Variants in BAZ2B observed in about 807,000 individuals in gnomAD.
The protein encoded by BAZ2B is bromodomain adjacent to zinc finger domain 2B, also known as bromodomain adjacent to zinc finger domain protein 2B.
In BAZ2B, 91 loss-of-function variants were observed where a neutral mutation model predicts 246.0. The ratio of observed to expected loss-of-function variants is 0.37; its 90% confidence interval spans 0.31 to 0.44. The LOEUF is 0.44. Ranked by LOEUF, BAZ2B falls within the 20% of genes least tolerant of loss-of-function variation. The pLI, the probability that BAZ2B is intolerant of heterozygous loss-of-function variation, is 1.00. For missense variants in BAZ2B, 2,332 were observed against 2,533.7 expected (o/e 0.92, Z 1.71); for synonymous variants, 855 against 860.0 (o/e 0.99, Z 0.10).
At chr2:159,658,839 A>C in the BAZ2B span, among the ~76,000 whole-genome samples, 3 of 152,114 alleles carry the variant, frequency 2.0e-5, no homozygotes, top group East Asian at 5.8e-4. Flanking sequence ...TGTATTGAAC[A>C]GATGGGGTCT....
At chr2:159,566,217 G>A (rs1682540637) in intron 1 of BAZ2B, among the ~76,000 whole-genome samples, 1 of 152,020 alleles carries the variant, frequency 6.6e-6, no homozygotes, top group African/African-American at 2.4e-5. Flanking sequence ...CTCCATGTTG[G>A]TCAGGCTGGT....
chr2:159,444,607 T>A (rs2073968722), intron 6 of BAZ2B: 2 of 152,160 alleles, frequency 1.3e-5, no homozygotes, highest in Non-Finnish European at 2.9e-5. Flanking sequence ...ATAAAGAAAG[T>A]TTGACAAAGT....
intron 6 of BAZ2B, among the ~76,000 whole-genome samples, chr2:159,445,957 T>C (rs560927401): frequency 1.3e-5 from 2 of 152,048 alleles, no homozygotes; most frequent in South Asian, 4.1e-4. Flanking sequence ...CTGCAAAAAA[T>C]GTAAAAATTA....
At chr2:159,665,546 C>T in the BAZ2B span, among the ~76,000 whole-genome samples, 106 of 79,010 alleles carry the variant, frequency 1.3e-3, 2 homozygotes, top group East Asian at 0.019. Flanking sequence ...GAAATAACGC[C>T]GCATATCTAC....
intron 2 of BAZ2B, among the ~76,000 whole-genome samples, chr2:159,542,933 T>A (rs2086831619): frequency 6.6e-6 from 1 of 152,200 alleles, no homozygotes. Context: ...ACAGGCTCCA[T>A]GTCAAATGCC....
intron 3 of BAZ2B, chr2:159,461,301 A>C (rs1490613281): frequency 6.5e-6 from 1 of 152,722 alleles, no homozygotes; most frequent in South Asian, 2.1e-4. Flanking sequence ...GAGATTACAC[A>C]CATACCTGCC....
At chr2:159,334,726 G>A (rs1365342273) in intron 33 of BAZ2B, among the ~76,000 whole-genome samples, 2 of 152,102 alleles carry the variant, frequency 1.3e-5, no homozygotes, top group Non-Finnish European at 2.9e-5. Flanking sequence ...TGCAAAAATG[G>A]AAATAAAGCT....
At chr2:159,629,559 C>A in the BAZ2B span, among the ~76,000 whole-genome samples, 2 of 151,780 alleles carry the variant, frequency 1.3e-5, no homozygotes, top group Non-Finnish European at 2.9e-5. Flanking sequence ...TCATTCTCAG[C>A]AAACTAACAC....
intron 2 of BAZ2B, among the ~76,000 whole-genome samples, chr2:159,495,324 A>G (rs910376799): frequency 3.3e-5 from 5 of 150,276 alleles, no homozygotes; most frequent in African/African-American, 7.3e-5. Context: ...TCTCTACTAA[A>G]AATACAAAAA....
At chr2:159,572,967 G>C (rs752881305) in intron 1 of BAZ2B, among the ~76,000 whole-genome samples, 3 of 152,110 alleles carry the variant, frequency 2.0e-5, no homozygotes, top group Non-Finnish European at 4.4e-5. Flanking sequence ...CTTAGAAGAT[G>C]AGAAGTGCTC....
the BAZ2B span, among the ~76,000 whole-genome samples, chr2:159,687,109 A>T: frequency 2.0e-5 from 3 of 151,860 alleles, no homozygotes; most frequent in East Asian, 5.8e-4. Flanking sequence ...GAAACTGAGA[A>T]GGGTGTATTA....
chr2:159,675,921 G>A, the BAZ2B span, among the ~76,000 whole-genome samples: 3 of 148,230 alleles, frequency 2.0e-5, no homozygotes, highest in South Asian at 2.2e-4. Flanking sequence ...TTTTTGAGAC[G>A]GAGTCTCACT....
chr2:159,589,450 C>G (rs902074560), intron 1 of BAZ2B, among the ~76,000 whole-genome samples: 1 of 151,834 alleles, frequency 6.6e-6, no homozygotes, highest in Non-Finnish European at 1.5e-5. Flanking sequence ...GATGCTTTTG[C>G]TGCTAGTTAT....
At chr2:159,567,028 A>T (rs1481172897) in intron 1 of BAZ2B, among the ~76,000 whole-genome samples, 3 of 152,116 alleles carry the variant, frequency 2.0e-5, no homozygotes, top group African/African-American at 7.2e-5. Flanking sequence ...TGATCACCTG[A>T]GGTCAGGAGT....
intron 27 of BAZ2B, among the ~76,000 whole-genome samples, chr2:159,351,022 C>T (rs1365647969): frequency 6.6e-6 from 1 of 152,056 alleles, no homozygotes; most frequent in Non-Finnish European, 1.5e-5. Context: ...CTAACCTGCA[C>T]ATTGTGCACA....
intron 4 of BAZ2B, among the ~76,000 whole-genome samples, chr2:159,449,265 A>G (rs2074702086): frequency 6.6e-6 from 1 of 152,142 alleles, no homozygotes; most frequent in South Asian, 2.1e-4. Flanking sequence ...ATATTGACCC[A>G]TCTAAAATCT....
intron 2 of BAZ2B, among the ~76,000 whole-genome samples, chr2:159,513,484 C>G (rs1348872787): frequency 6.6e-6 from 1 of 152,158 alleles, no homozygotes; most frequent in Non-Finnish European, 1.5e-5. Context: ...TTTTGGTCTA[C>G]CACATCCAAA....
At chr2:159,377,340 A>C in intron 25 of BAZ2B, among the ~76,000 whole-genome samples, 1 of 152,232 alleles carries the variant, frequency 6.6e-6, no homozygotes, top group Non-Finnish European at 1.5e-5. Context: ...TGTGTCTGCC[A>C]GTTCTTTATT....
chr2:159,562,364 A>G (rs1476508265), intron 1 of BAZ2B, among the ~76,000 whole-genome samples: 5 of 152,220 alleles, frequency 3.3e-5, no homozygotes, highest in Admixed American at 3.3e-4. Context: ...TGGCTATTAG[A>G]CTTGGTAAAT....
Sources: allele counts gnomAD v4.1 joint callset (sites outside exome capture counted in the v4.1 genomes callset), GRCh38; gene constraint gnomAD v4.1.1; transcripts MANE v1.5; gene names NCBI Gene and HGNC (gene_info 2026-07-23, HGNC 2026-07-21).